MGAT4C: variants seen among roughly 807,000 people sequenced by gnomAD.
MGAT4C encodes the protein alpha-1,3-mannosyl-glycoprotein 4-beta-N-acetylglucosaminyltransferase C.
In MGAT4C, 19 loss-of-function variants were observed where a neutral mutation model predicts 40.1. The observed-to-expected ratio is 0.47, with a 90% CI of 0.33 to 0.70. The LOEUF is 0.70. MGAT4C is among the 30% of genes least tolerant of loss of function. The pLI is 0.02. For missense variants in MGAT4C, 491 were observed against 563.2 expected, an observed-to-expected ratio of 0.87 and a Z score of 1.30; for synonymous variants, 181 against 187.1, an observed-to-expected ratio of 0.97 and a Z score of 0.27.
intron 3 of MGAT4C, among the ~76,000 whole-genome samples, chr12:86,369,624 C>T (rs1955678228): frequency 6.6e-6 from 1 of 152,004 alleles, no homozygotes; most frequent in South Asian, 2.1e-4. Flanking sequence ...TCTCCACATA[C>T]ACTATGCTAT....
intron 1 of MGAT4C, among the ~76,000 whole-genome samples, chr12:86,057,616 G>GTC (rs1248053190): frequency 2.0e-5 from 3 of 152,084 alleles, no homozygotes; most frequent in African/African-American, 7.2e-5. Flanking sequence ...AGCAATATTG[G>GTC]TCTCTCTCTC....
chr12:86,570,584 G>A (rs1048235766), intron 2 of MGAT4C, among the ~76,000 whole-genome samples: 2 of 152,052 alleles, frequency 1.3e-5, no homozygotes, highest in African/African-American at 2.4e-5. Flanking sequence ...TTTAATCAAG[G>A]AGGTGAAAAA....
Position 85,957,699 on chromosome 12 carries a change from A to G in MGAT4C, c.*21590T>C, listed in dbSNP as rs1882882418. On this transcript the variant is annotated 3_prime_UTR_variant, in exon 5 of 5. Coordinates refer to ENST00000611864, the MANE Select transcript of MGAT4C (RefSeq NM_001351288.2). Reference sequence around the variant, plus strand: ...GAAAAAAGAAAAAAAAAATCTATCAATCCTGAAAAGAGTGAATCTAGACAG... The same window carrying G: ...GAAAAAAGAAAAAAAAAATCTATCAGTCCTGAAAAGAGTGAATCTAGACAG... The G allele has an allele frequency of 6.6e-6, 1 of 151,276 alleles. No homozygotes were observed. The highest frequency in any genetic ancestry group is 1.5e-5 in the Non-Finnish European group (1 of 67,832). The allele number at this position is 151,276 out of a possible 1,614,324, so 9.4% of individuals were successfully genotyped here. A position where few individuals can be genotyped will look rare whatever the true frequency, so the allele number is the denominator to read the frequency against.
chr12:86,509,353 C>G (rs1328302550), intron 2 of MGAT4C, among the ~76,000 whole-genome samples: 6 of 152,222 alleles, frequency 3.9e-5, no homozygotes, highest in Non-Finnish European at 7.4e-5. Context: ...TCAGGTTTGT[C>G]AAAGATCAGA....
chr12:86,700,035 A>AATAGATAGATAGATAGATAGATAGATAG (rs58993633), intron 2 of MGAT4C, among the ~76,000 whole-genome samples: 99 of 147,736 alleles, frequency 6.7e-4, no homozygotes, highest in Admixed American at 1.4e-3. Flanking sequence ...AATTTAGATA[A>AATAGATAGATAGATAGATAGATAGATAG]ATAGATAGAT....
Position 86,137,824 on chromosome 12 carries a change from C to G in MGAT4C, c.-56-88101G>C, listed in dbSNP as rs535779882. On this transcript the variant is annotated intron_variant, in intron 1 of 4. Transcript: ENST00000611864. ...ACAACTGTGACCCTTTTGCAGAGAA[C>G]AGACAGTACGTGGGAGCCAATAACC... 5.3e-5 allele frequency among the ~76,000 whole-genome samples: 8 copies of G among 152,274 alleles called. No homozygotes were observed. In the East Asian group the frequency reaches 1.4e-3, roughly 26 times the overall value.
chr12:86,191,130 CA>C lies in MGAT4C; in HGVS notation c.-57+65108del, dbSNP rs879530888. On this transcript the variant is annotated intron_variant, in intron 1 of 4. Coordinates refer to ENST00000611864, the MANE Select transcript of MGAT4C (RefSeq NM_001351288.2). ...ACACACACACACACACACACACACA[CA>C]CACCCCTATAGGGTCTGTTTCTCTA... Among the ~76,000 whole-genome samples, 1,006 of 133,170 alleles carry C rather than the reference CA, an allele frequency of 7.6e-3. 10 individuals carry two copies. The highest frequency in any genetic ancestry group is 0.02 in the South Asian group (84 of 4,206). The allele number at this position is 133,170 out of a possible 152,430, so 87.4% of individuals were successfully genotyped here.
intron 4 of MGAT4C, among the ~76,000 whole-genome samples, chr12:86,284,421 C>G (rs542099683): frequency 6.6e-6 from 1 of 151,942 alleles, no homozygotes; most frequent in South Asian, 2.1e-4. Context: ...TTTCTAAGAT[C>G]TAGCCCAGGA....
chr12:86,063,452 AG>A (rs1303508498), intron 1 of MGAT4C, among the ~76,000 whole-genome samples: 2 of 152,232 alleles, frequency 1.3e-5, no homozygotes, highest in Non-Finnish European at 2.9e-5. Context: ...GAGACTATGA[AG>A]AAACTGCATC....
chr12:86,682,666 T>A (rs2136582292), intron 2 of MGAT4C, among the ~76,000 whole-genome samples: 1 of 152,248 alleles, frequency 6.6e-6, no homozygotes, highest in South Asian at 2.1e-4. Flanking sequence ...TTTATTTCAT[T>A]AAGAAATTTC....
chr12:86,327,706 C>G (rs1431550318), intron 4 of MGAT4C, among the ~76,000 whole-genome samples: 2 of 151,946 alleles, frequency 1.3e-5, no homozygotes, highest in East Asian at 3.9e-4. Flanking sequence ...AAGGAAATTC[C>G]ACCTACAAAA....
chr12:86,452,617 A>G (rs1299200934), intron 2 of MGAT4C, among the ~76,000 whole-genome samples: 2 of 152,096 alleles, frequency 1.3e-5, no homozygotes, highest in Non-Finnish European at 2.9e-5. Flanking sequence ...TTCTTCTAGA[A>G]TATTGGCTTC....
At chr12:86,430,209 A>T (rs1427318356) in intron 3 of MGAT4C, among the ~76,000 whole-genome samples, 4 of 152,132 alleles carry the variant, frequency 2.6e-5, no homozygotes, top group Non-Finnish European at 5.9e-5. Flanking sequence ...ACTCCATGCA[A>T]CATCTTTTTT....
chr12:86,295,147 T>C (rs1421843227), intron 4 of MGAT4C, among the ~76,000 whole-genome samples: 1 of 152,210 alleles, frequency 6.6e-6, no homozygotes, highest in Non-Finnish European at 1.5e-5. Context: ...CAATATATTT[T>C]AGTTCTCTGA....
chr12:86,311,410 A>C (rs1954069362), intron 4 of MGAT4C, among the ~76,000 whole-genome samples: 1 of 152,212 alleles, frequency 6.6e-6, no homozygotes, highest in South Asian at 2.1e-4. Context: ...CGCTGACTGA[A>C]ACATAATGCA....
At chr12:86,360,902 T>A (rs1318585411) in intron 3 of MGAT4C, among the ~76,000 whole-genome samples, 1 of 152,094 alleles carries the variant, frequency 6.6e-6, no homozygotes, top group Non-Finnish European at 1.5e-5. Flanking sequence ...GTGAAAATGG[T>A]CATACTGCCC....
At chr12:86,087,272 T>A (rs529242312) in intron 1 of MGAT4C, among the ~76,000 whole-genome samples, 7 of 152,196 alleles carry the variant, frequency 4.6e-5, no homozygotes, top group African/African-American at 1.7e-4. Context: ...AACTTAATTT[T>A]CCAGTTATTT....
intron 3 of MGAT4C, among the ~76,000 whole-genome samples, chr12:86,354,003 T>C (rs1326898214): frequency 6.6e-6 from 1 of 152,096 alleles, no homozygotes; most frequent in Non-Finnish European, 1.5e-5. Flanking sequence ...GAGTATACGG[T>C]TCATCCCAAC....
intron 1 of MGAT4C, among the ~76,000 whole-genome samples, chr12:86,797,884 A>C (rs1374284525): frequency 6.6e-6 from 1 of 151,968 alleles, no homozygotes; most frequent in African/African-American, 2.4e-5. Context: ...TAATCTTACA[A>C]TTCATTGATT....
Sources: allele counts gnomAD v4.1 joint callset (sites outside exome capture counted in the v4.1 genomes callset), GRCh38; gene constraint gnomAD v4.1.1; transcripts MANE v1.5; gene names NCBI Gene and HGNC (gene_info 2026-07-23, HGNC 2026-07-21).